The following SCAPER variants were observed in gnomAD, a reference collection of about 807,000 sequenced individuals.
SCAPER encodes S-phase cyclin A associated protein in the ER.
Under a neutral mutation model 182.2 loss-of-function variants are expected in SCAPER, and 98 were observed. The observed-to-expected ratio is 0.54, with a 90% confidence interval of 0.46 to 0.64. The LOEUF (loss-of-function observed/expected upper bound fraction) is 0.64, where lower values mean the gene tolerates loss of function less well. SCAPER is among the 30% of genes least tolerant of loss of function. The pLI is 0.00. For synonymous variants in SCAPER, 605 were observed against 564.6 expected, an observed-to-expected ratio of 1.07 and a Z score of -1.01; for missense variants, 1,432 against 1,690.0, an observed-to-expected ratio of 0.85 and a Z score of 2.68.
Position 76,598,759 on chromosome 15 carries a change from C to T in SCAPER, c.2711+23005G>A, listed in dbSNP as rs1216328430. On this transcript the variant is annotated intron_variant, in intron 22 of 31. Transcript: ENST00000563290. Reference sequence around the variant, plus strand: ...AAGTGGGAGGTGAACAATGAGAACACGTGGACACAGGGAAGGAAACATCAC... The same window carrying T: ...AAGTGGGAGGTGAACAATGAGAACATGTGGACACAGGGAAGGAAACATCAC... Among the ~76,000 whole-genome samples, 6 of 119,624 alleles carry T rather than the reference C, an allele frequency of 5.0e-5. 2 individuals carry two copies. The highest frequency in any genetic ancestry group is 8.1e-5 in the Non-Finnish European group (4 of 49,404). The allele number at this position is 119,624 out of a possible 152,430, so 78.5% of individuals were successfully genotyped here. A position where few individuals can be genotyped will look rare whatever the true frequency, so the allele number is the denominator to read the frequency against.
At position 76,873,331 on chromosome 15, in the gene SCAPER, AAGGCAGGCAGGCAGGCAGGCAGGCAGGC is replaced by A. The variant is rs56176862; in HGVS notation, c.6+10453_6+10480del. Among the ~76,000 whole-genome samples, 636 of 83,732 alleles carry A rather than the reference AAGGCAGGCAGGCAGGCAGGCAGGCAGGC, an allele frequency of 7.6e-3. 4 individuals are homozygous for A. The highest frequency in any genetic ancestry group is 0.023 in the African/African-American group (500 of 22,006). The allele number at this position is 83,732 out of a possible 152,430, so 54.9% of individuals were successfully genotyped here. On this transcript the variant is annotated intron_variant, in intron 2 of 31. Coordinates refer to ENST00000563290, the MANE Select transcript of SCAPER (RefSeq NM_020843.4). The stretch of plus-strand genomic sequence containing the variant: ...GAAGGAAGGAAGGAAGGAAGGAAGG[AAGGCAGGCAGGCAGGCAGGCAGGCAGGC>A]AGGCAGGCAGGCAGGCAGGCAGGCA...
At chr15:76,781,984 C>T (rs1381100805) in intron 8 of SCAPER, among the ~76,000 whole-genome samples, 6 of 152,098 alleles carry the variant, frequency 3.9e-5, no homozygotes, top group Admixed American at 1.3e-4. Flanking sequence ...CATCAATTCA[C>T]GGGCAAAATA....
intron 20 of SCAPER, among the ~76,000 whole-genome samples, chr15:76,675,012 C>G (rs1281599777): frequency 6.6e-6 from 1 of 152,086 alleles, no homozygotes; most frequent in Non-Finnish European, 1.5e-5. Context: ...TGAAATGTTA[C>G]CTGGAATTGA....
intron 5 of SCAPER, 132 bp downstream of exon 5, chr15:76,841,602 G>A (rs559613620): frequency 1.3e-4 from 110 of 856,354 alleles, no homozygotes; most frequent in East Asian, 2.2e-4. Flanking sequence ...AGCCAAGATC[G>A]CGTCACTACA....
chr15:76,875,683 A>G (rs1360475151), intron 2 of SCAPER, among the ~76,000 whole-genome samples: 5 of 152,144 alleles, frequency 3.3e-5, no homozygotes, highest in Non-Finnish European at 7.4e-5. Context: ...GTTCTTAAAG[A>G]CAGCGTGTCC....
intron 8 of SCAPER, among the ~76,000 whole-genome samples, chr15:76,783,482 G>C (rs1374975308): frequency 6.6e-6 from 1 of 152,078 alleles, no homozygotes; most frequent in Non-Finnish European, 1.5e-5. Context: ...CATTCCTTTT[G>C]AAACTATTCC....
chr15:76,457,740 A>G (rs2048848288), intron 25 of SCAPER, among the ~76,000 whole-genome samples: 1 of 152,048 alleles, frequency 6.6e-6, no homozygotes, highest in African/African-American at 2.4e-5. Context: ...CTCACAGAAC[A>G]AAATGAAAAA....
At chr15:76,504,729 G>C (rs1433709963) in intron 24 of SCAPER, 130 bp downstream of exon 24, 106 of 657,826 alleles carry the variant, frequency 1.6e-4, no homozygotes, top group Non-Finnish European at 2.5e-4. Context: ...CTCCCTAATG[G>C]GGAGTGTAAG....
intron 29 of SCAPER, among the ~76,000 whole-genome samples, chr15:76,356,535 A>G (rs74026435): frequency 0.013 from 1,941 of 152,266 alleles, 37 homozygotes; most frequent in African/African-American, 0.044. Flanking sequence ...CAATGAACAA[A>G]ATACGCATAA....
intron 23 of SCAPER, among the ~76,000 whole-genome samples, chr15:76,509,834 C>T (rs166906): frequency 0.12 from 18,276 of 152,094 alleles, 1,508 homozygotes; most frequent in African/African-American, 0.24. Flanking sequence ...TACTATAAGG[C>T]CACAGTCACC....
At chr15:76,870,762 G>A (rs1454229927) in intron 2 of SCAPER, among the ~76,000 whole-genome samples, 23 of 151,994 alleles carry the variant, frequency 1.5e-4, no homozygotes, top group Admixed American at 1.5e-3. Flanking sequence ...AGCAAAAACT[G>A]AAATCTGAGG....
At position 76,353,930 on chromosome 15, in the gene SCAPER, C is replaced by T. The variant is rs117738772; in HGVS notation, c.4047+19G>A. 19,393 of 1,510,092 alleles carry T rather than the reference C, an allele frequency of 0.013. 165 individuals carry two copies. The highest frequency in any genetic ancestry group is 0.015 in the Non-Finnish European group (17,218 of 1,134,432). 93.5% of individuals were successfully genotyped at this position (1,510,092 alleles called of 1,614,324 possible). ...GTTTACACACAAAGCTAGACAATTA[C>T]GTATAATGTAGAAGGTACCTGAATG... On this transcript the variant is annotated intron_variant, in intron 30 of 31. Transcript: ENST00000563290.
At chr15:76,482,068 T>A (rs977754611) in intron 24 of SCAPER, among the ~76,000 whole-genome samples, 3 of 152,176 alleles carry the variant, frequency 2.0e-5, no homozygotes, top group Non-Finnish European at 4.4e-5. Flanking sequence ...AATATCTGAA[T>A]GTCACTTTTT....
At chr15:76,517,488 T>A (rs2144201548) in intron 23 of SCAPER, among the ~76,000 whole-genome samples, 1 of 152,062 alleles carries the variant, frequency 6.6e-6, no homozygotes, top group African/African-American at 2.4e-5. Flanking sequence ...TAGCTGGGAC[T>A]ACAGGCATGT....
At chr15:76,426,480 C>T (rs994452223) in intron 26 of SCAPER, among the ~76,000 whole-genome samples, 6 of 152,154 alleles carry the variant, frequency 3.9e-5, no homozygotes, top group Non-Finnish European at 7.3e-5. Context: ...TCTTCTGCGT[C>T]GCTCATGCTG....
intron 22 of SCAPER, among the ~76,000 whole-genome samples, chr15:76,584,639 T>C (rs903863169): frequency 2.0e-5 from 3 of 152,226 alleles, no homozygotes; most frequent in Non-Finnish European, 4.4e-5. Context: ...AAATGTACTA[T>C]GGAACTTGAA....
intron 21 of SCAPER, among the ~76,000 whole-genome samples, chr15:76,628,886 G>C (rs2052829238): frequency 6.6e-6 from 1 of 152,162 alleles, no homozygotes; most frequent in African/African-American, 2.4e-5. Context: ...GAACAATACT[G>C]GTTCTTCCTA....
At chr15:76,650,153 T>TA (rs1485116028) in intron 21 of SCAPER, among the ~76,000 whole-genome samples, 5 of 152,076 alleles carry the variant, frequency 3.3e-5, no homozygotes, top group Non-Finnish European at 7.4e-5. Context: ...GGTTAAAAGA[T>TA]ACATATTTGA....
At chr15:76,462,490 A>G (rs989331202) in intron 25 of SCAPER, among the ~76,000 whole-genome samples, 4 of 152,150 alleles carry the variant, frequency 2.6e-5, no homozygotes, top group Non-Finnish European at 5.9e-5. Context: ...TAGAGAATAT[A>G]TATTCTCTAA....
Sources: gnomAD v4.1 joint callset for allele counts (sites outside exome capture counted in the v4.1 genomes callset) on GRCh38, gnomAD v4.1.1 for gene constraint, MANE v1.5 for transcripts, NCBI Gene and HGNC (gene_info 2026-07-23, HGNC 2026-07-21) for gene names.